Variants in PDGFC observed in about 807,000 individuals in gnomAD.
PDGFC encodes platelet-derived growth factor C.
Under a neutral mutation model 35.5 loss-of-function variants are expected in PDGFC, and 12 were observed. The observed-to-expected ratio is 0.34, with a 90% CI of 0.22 to 0.55. The LOEUF is 0.55. PDGFC is among the 20% of genes least tolerant of loss of function. The probability of loss-of-function intolerance (pLI) is 0.91; values close to 1 mark genes in which losing one functional copy is unlikely to be tolerated. For synonymous variants in PDGFC, 159 were observed against 148.8 expected (o/e 1.07, Z -0.50); for missense variants, 322 against 412.4 (o/e 0.78, Z 1.90).
intron 1 of PDGFC, among the ~76,000 whole-genome samples, chr4:156,867,161 A>C (rs1473429150): frequency 6.6e-6 from 1 of 152,210 alleles, no homozygotes; most frequent in African/African-American, 2.4e-5. Context: ...GTTAGCATGA[A>C]TATTAAGCTG....
intron 1 of PDGFC, among the ~76,000 whole-genome samples, chr4:156,865,965 T>G (rs2111127121): frequency 6.6e-6 from 1 of 152,302 alleles, no homozygotes; most frequent in South Asian, 2.1e-4. Context: ...TAAATTTTAT[T>G]ATTATTATAC....
At chr4:156,893,613 C>G (rs1730565169) in intron 1 of PDGFC, among the ~76,000 whole-genome samples, 1 of 151,282 alleles carries the variant, frequency 6.6e-6, no homozygotes, top group Non-Finnish European at 1.5e-5. Context: ...GCTGGGATTA[C>G]AGGCAAGAAC....
At chr4:156,859,382 A>C (rs1182869888) in intron 1 of PDGFC, among the ~76,000 whole-genome samples, 1 of 152,098 alleles carries the variant, frequency 6.6e-6, no homozygotes. Flanking sequence ...ACTTCTATAC[A>C]AATCATGTCC....
At chr4:156,779,132 C>G in intron 3 of PDGFC, 1 of 456,142 alleles carries the variant, frequency 2.2e-6, no homozygotes, top group Non-Finnish European at 4.4e-6. Flanking sequence ...GACACAAATG[C>G]CTGCCAGGAA....
At chr4:156,875,435 G>A (rs983051047) in intron 1 of PDGFC, among the ~76,000 whole-genome samples, 2 of 152,176 alleles carry the variant, frequency 1.3e-5, no homozygotes, top group African/African-American at 2.4e-5. Flanking sequence ...CATCACTCAT[G>A]TGGAAGTTGA....
intron 2 of PDGFC, among the ~76,000 whole-genome samples, chr4:156,817,924 T>C (rs1472881802): frequency 6.6e-6 from 1 of 151,446 alleles, no homozygotes; most frequent in Non-Finnish European, 1.5e-5. Flanking sequence ...CCTGGCGTGG[T>C]GGCGGATGCC....
At chr4:156,919,336 AT>A (rs796470420) in intron 1 of PDGFC, among the ~76,000 whole-genome samples, 2 of 152,294 alleles carry the variant, frequency 1.3e-5, no homozygotes, top group East Asian at 3.9e-4. Flanking sequence ...CATAATCTTA[AT>A]CTGAGTAGAG....
At chr4:156,802,737 C>G (rs945274425) in intron 3 of PDGFC, among the ~76,000 whole-genome samples, 3 of 152,128 alleles carry the variant, frequency 2.0e-5, no homozygotes, top group Non-Finnish European at 4.4e-5. Flanking sequence ...TTTGAAGAAA[C>G]TGACTAAGCC....
At chr4:156,853,366 A>G (rs1729498789) in intron 1 of PDGFC, among the ~76,000 whole-genome samples, 1 of 152,202 alleles carries the variant, frequency 6.6e-6, no homozygotes, top group African/African-American at 2.4e-5. Context: ...TTAAAGGACA[A>G]CCTGTTTAAT....
At chr4:156,832,253 C>CTTTTTTTTTTTTTT (rs542396769) in intron 2 of PDGFC, among the ~76,000 whole-genome samples, 3 of 121,134 alleles carry the variant, frequency 2.5e-5, no homozygotes, top group Non-Finnish European at 3.4e-5. Flanking sequence ...TTCTTTCTTT[C>CTTTTTTTTTTTTTT]TTTTTTTTTT....
rs139110627 is a variant in PDGFC at position 156,826,460 on chromosome 4, C to T, written c.315-15443G>A. Among the ~76,000 whole-genome samples, 252 of 152,100 alleles carry T rather than the reference C, an allele frequency of 1.7e-3. 1 individual carries two copies. Among genetic ancestry groups the T allele is most frequent in the African/African-American group, 5.6e-3 (232 of 41,500 alleles). ...TCAGGTGGTCCATCCAGCTTGGCCT[C>T]TCAAAGTGTTGGGGTACAGGAATGA... On this transcript the variant is annotated intron_variant, in intron 2 of 5. Coordinates refer to ENST00000502773, the MANE Select transcript of PDGFC (RefSeq NM_016205.3).
At chr4:156,818,191 C>A (rs1732145008) in intron 2 of PDGFC, among the ~76,000 whole-genome samples, 1 of 149,936 alleles carries the variant, frequency 6.7e-6, no homozygotes, top group African/African-American at 2.5e-5. Context: ...AAATTGTAAT[C>A]AAATATAATT....
At chr4:156,812,144 G>C (rs541597308) in intron 2 of PDGFC, among the ~76,000 whole-genome samples, 1 of 151,874 alleles carries the variant, frequency 6.6e-6, no homozygotes, top group African/African-American at 2.4e-5. Flanking sequence ...ACTTAACCAA[G>C]AGTTACTCAC....
intron 3 of PDGFC, among the ~76,000 whole-genome samples, chr4:156,796,491 A>ATTTTTTTTTTTTT (rs35891804): frequency 9.8e-6 from 1 of 101,628 alleles, no homozygotes; most frequent in African/African-American, 3.4e-5. Flanking sequence ...ACCACTTTGT[A>ATTTTTTTTTTTTT]TTTTTTTTTT....
rs4637453 is a variant in PDGFC, at chr4:156,839,189, C to A, written c.314+11032G>T. ...TCCAAAGGCCACAAGAGGTTTTAGA[C>A]CCTGGACCCCAGACATGTTCCAAGA... On this transcript the variant is annotated intron_variant, in intron 2 of 5. Transcript: ENST00000502773. 2.2e-3 allele frequency among the ~76,000 whole-genome samples: 332 copies of A among 152,294 alleles called. 1 individual carries two copies. The highest frequency in any genetic ancestry group is 7.7e-3 in the African/African-American group (321 of 41,570).
chr4:156,790,600 C>T (rs557126784), intron 3 of PDGFC, among the ~76,000 whole-genome samples: 1 of 152,304 alleles, frequency 6.6e-6, no homozygotes, highest in African/African-American at 2.4e-5. Context: ...AATCTTCCCC[C>T]TAAATTGATC....
At chr4:156,909,092 G>T (rs1430108297) in intron 1 of PDGFC, among the ~76,000 whole-genome samples, 1 of 152,116 alleles carries the variant, frequency 6.6e-6, no homozygotes, top group African/African-American at 2.4e-5. Flanking sequence ...ATAAATACCA[G>T]CATTTGAGAG....
intron 1 of PDGFC, among the ~76,000 whole-genome samples, chr4:156,859,798 TCAAAG>T (rs1729666724): frequency 6.6e-6 from 1 of 152,164 alleles, no homozygotes; most frequent in African/African-American, 2.4e-5. Flanking sequence ...ATTTTATTTC[TCAAAG>T]CAAAGACATT....
intron 1 of PDGFC, among the ~76,000 whole-genome samples, chr4:156,947,066 G>A (rs1731966323): frequency 6.6e-6 from 1 of 151,976 alleles, no homozygotes; most frequent in African/African-American, 2.4e-5. Flanking sequence ...AACCTCAAAT[G>A]ACATAAAGAA....
Sources: gnomAD v4.1 joint callset for allele counts (sites outside exome capture counted in the v4.1 genomes callset) on GRCh38, gnomAD v4.1.1 for gene constraint, MANE v1.5 for transcripts, NCBI Gene and HGNC (gene_info 2026-07-23, HGNC 2026-07-21) for gene names.